LAMA3: variants seen among roughly 807,000 people sequenced by gnomAD.
The protein encoded by LAMA3 is laminin subunit alpha 3.
LAMA3 carries 281 observed loss-of-function variants against 402.0 expected under a neutral mutation model. That is an observed-to-expected ratio of 0.70 (90% CI 0.63 to 0.77). The LOEUF is 0.77. Ranked by LOEUF, LAMA3 falls within the 30% of genes least tolerant of loss-of-function variation. The pLI is 0.00. For synonymous variants in LAMA3, 1,431 were observed against 1,558.4 expected, an observed-to-expected ratio of 0.92 and a Z score of 1.93; for missense variants, 3,840 against 4,215.5, an observed-to-expected ratio of 0.91 and a Z score of 2.47.
At chr18:23,842,291 G>A (rs2063718551) in intron 27 of LAMA3, 104 bp from the exon 28 acceptor site, 2 of 1,410,220 alleles carry the variant, frequency 1.4e-6, no homozygotes, top group Admixed American at 1.7e-5. Context: ...TAAATACTTA[G>A]GTTGTTTTGT....
chr18:23,928,130 A>G lies in LAMA3; in HGVS notation c.8185A>G (p.Ile2729Val), dbSNP rs371045141. The change falls in exon 63 of 75, where the codon ATT becomes GTT. Residue 2729 changes from isoleucine (I) to valine (V), a missense_variant. Transcript: ENST00000313654. ...ATCTGTGTTCGTAATCAGATTTAAC[A>G]TTTCTACGCCTGCTTTCCGAGGCTG... ...IPIAIRERFN[I>V]STPAFRGCMK... 1.9e-6 allele frequency: 3 copies of G among 1,611,098 alleles called. No individual in the cohort carries two copies. Among genetic ancestry groups the G allele is most frequent in the Admixed American group, 1.7e-5 (1 of 60,004 alleles).
At chr18:23,841,153 G>C (rs2063693145) in intron 27 of LAMA3, among the ~76,000 whole-genome samples, 2 of 152,184 alleles carry the variant, frequency 1.3e-5, no homozygotes, top group African/African-American at 4.8e-5. Flanking sequence ...GAAATGAGTT[G>C]AAATCAAGAT....
intron 2 of LAMA3, among the ~76,000 whole-genome samples, chr18:23,716,391 T>C (rs1253146094): frequency 6.6e-6 from 1 of 152,156 alleles, no homozygotes; most frequent in Non-Finnish European, 1.5e-5. Flanking sequence ...ATTACTGAGC[T>C]CAGGCAATCC....
At chr18:23,693,291 C>T (rs1469619886) in intron 1 of LAMA3, among the ~76,000 whole-genome samples, 1 of 152,190 alleles carries the variant, frequency 6.6e-6, no homozygotes, top group Non-Finnish European at 1.5e-5. Flanking sequence ...CGCGCCATTG[C>T]ACTCCAGCCT....
chr18:23,698,578 T>G (rs2060730463), intron 1 of LAMA3, among the ~76,000 whole-genome samples: 1 of 152,226 alleles, frequency 6.6e-6, no homozygotes, highest in African/African-American at 2.4e-5. Flanking sequence ...TCATTTGGAC[T>G]CATTGTCTTA....
Position 23,901,425 on chromosome 18 carries a change from ATC to A in LAMA3, c.6201+105_6201+106del. ...GGCATAGCCAGGCACCTGTCTGTAC[ATC>A]TCATTATACCACCTCAGACCCAGAT... is the stretch of plus-strand genomic sequence containing the variant. On this transcript the variant is annotated intron_variant, in intron 48 of 74. Transcript: ENST00000313654. 3 of 939,278 alleles carry A rather than the reference ATC, an allele frequency of 3.2e-6. No homozygotes were observed. In the South Asian group the frequency reaches 4.2e-5, roughly 13 times the overall value. 58.2% of individuals were successfully genotyped at this position (939,278 alleles called of 1,614,324 possible). A position where few individuals can be genotyped will look rare whatever the true frequency, so the allele number is the denominator to read the frequency against.
At chr18:23,773,327 A>G (rs1289203510) in intron 8 of LAMA3, among the ~76,000 whole-genome samples, 170 bp from the exon 9 acceptor site, 1 of 152,256 alleles carries the variant, frequency 6.6e-6, no homozygotes, top group Admixed American at 6.5e-5. Flanking sequence ...AGCCAATCCT[A>G]TGGTAAATTT....
intron 18 of LAMA3, 59 bp downstream of exon 18, chr18:23,816,546 C>A (rs2063179411): frequency 2.2e-6 from 3 of 1,351,418 alleles, no homozygotes; most frequent in East Asian, 2.3e-5. Context: ...CTTAGACATT[C>A]CTGCCTGTGC....
intron 69 of LAMA3, among the ~76,000 whole-genome samples, chr18:23,944,329 A>AC (rs2082632482): frequency 6.6e-6 from 1 of 152,120 alleles, no homozygotes; most frequent in Non-Finnish European, 1.5e-5. Context: ...ACCTGGAATG[A>AC]CCCTAGCATC....
intron 27 of LAMA3, among the ~76,000 whole-genome samples, chr18:23,841,709 G>T (rs1363825944): frequency 6.6e-6 from 1 of 152,166 alleles, no homozygotes; most frequent in Admixed American, 6.5e-5. Flanking sequence ...TATTGCTTGA[G>T]ACCGTGAGCT....
chr18:23,712,617 C>A (rs1006046952), intron 1 of LAMA3, among the ~76,000 whole-genome samples: 1 of 148,166 alleles, frequency 6.7e-6, no homozygotes, highest in Admixed American at 6.8e-5. Flanking sequence ...AGTTATAGAA[C>A]CATTTTTGTA....
At chr18:23,881,022 A>T (rs957977410) in intron 39 of LAMA3, among the ~76,000 whole-genome samples, 1 of 152,236 alleles carries the variant, frequency 6.6e-6, no homozygotes, top group Non-Finnish European at 1.5e-5. Flanking sequence ...ATTAACACAA[A>T]GTGTCTCCAT....
chr18:23,793,666 A>G (rs2062706522), intron 12 of LAMA3, among the ~76,000 whole-genome samples: 1 of 152,194 alleles, frequency 6.6e-6, no homozygotes, highest in Admixed American at 6.5e-5. Context: ...TACCACAACA[A>G]CCATCAACAC....
intron 40 of LAMA3, among the ~76,000 whole-genome samples, chr18:23,882,496 G>A (rs1048956098): frequency 2.6e-5 from 4 of 151,970 alleles, no homozygotes; most frequent in South Asian, 4.2e-4. Context: ...TTGTAATCCA[G>A]CTATTCGGGA....
At chr18:23,837,358 A>C in intron 25 of LAMA3, 1 of 412,000 alleles carries the variant, frequency 2.4e-6, no homozygotes, top group Non-Finnish European at 4.4e-6. Context: ...ACTATTATAA[A>C]GAAAATGTCT....
In LAMA3 at chr18:23,951,758, A is replaced by G. The variant is rs753060873; in HGVS notation, c.9717A>G (p.Gly3239=). ...SVTPKQSLCD[G]QWHSVAVTIK... ...CACCAAAGCAGTCTCTGTGTGATGG[A>G]CAGTGGCACTCGGTGGCAGGTATGT... The change falls in exon 73 of 75, where the codon GGA becomes GGG. Residue 3239 remains glycine, a synonymous_variant. Transcript: ENST00000313654. 2.2e-5 allele frequency: 36 copies of G among 1,613,436 alleles called. 1 individual carries two copies. The highest frequency in any genetic ancestry group is 3.3e-4 in the Middle Eastern group (2 of 6,084).
intron 1 of LAMA3, among the ~76,000 whole-genome samples, chr18:23,706,673 G>A (rs903910662): frequency 6.6e-5 from 10 of 152,170 alleles, no homozygotes; most frequent in Non-Finnish European, 1.3e-4. Context: ...TTGTAGGATT[G>A]TTAGGAATTT....
chr18:23,762,637 C>T (rs2061993289), intron 7 of LAMA3, among the ~76,000 whole-genome samples: 1 of 151,872 alleles, frequency 6.6e-6, no homozygotes, highest in Admixed American at 6.6e-5. Flanking sequence ...TGCCCCGACA[C>T]ACTTCCAAGT....
At chr18:23,834,940 G>A (rs561981912) in intron 24 of LAMA3, 24 of 152,326 alleles carry the variant, frequency 1.6e-4, no homozygotes, top group African/African-American at 5.8e-4. Flanking sequence ...CGCTAAACAA[G>A]CAGCTGCGAA....
Sources: allele counts gnomAD v4.1 joint callset (sites outside exome capture counted in the v4.1 genomes callset), GRCh38; gene constraint gnomAD v4.1.1; transcripts MANE v1.5; gene names NCBI Gene and HGNC (gene_info 2026-07-23, HGNC 2026-07-21).